TTLL11: variants seen among roughly 807,000 people sequenced by gnomAD.
The protein encoded by TTLL11 is tubulin tyrosine ligase like 11.
Under a neutral mutation model 51.7 loss-of-function variants are expected in TTLL11, and 42 were observed. The observed-to-expected ratio is 0.81, with a 90% confidence interval of 0.64 to 1.05. The LOEUF (loss-of-function observed/expected upper bound fraction) is 1.05. TTLL11 is among the 50% of genes least tolerant of loss of function. The probability of loss-of-function intolerance (pLI) is 0.00; values close to 1 mark genes in which losing one functional copy is unlikely to be tolerated. For synonymous variants in TTLL11, 381 were observed against 383.5 expected (o/e 0.99, Z 0.08); for missense variants, 799 against 940.4 (o/e 0.85, Z 1.97).
At chr9:121,852,318 C>A (rs148628936) in intron 8 of TTLL11, among the ~76,000 whole-genome samples, 17 of 152,250 alleles carry the variant, frequency 1.1e-4, no homozygotes, top group African/African-American at 3.9e-4. Context: ...GATGTCATTG[C>A]CCCATTTCAA....
chr9:121,929,252 C>G (rs913554505), intron 6 of TTLL11, among the ~76,000 whole-genome samples: 2 of 151,968 alleles, frequency 1.3e-5, no homozygotes, highest in African/African-American at 4.8e-5. Flanking sequence ...CCAGCCTGAC[C>G]AACATGGTGA....
At chr9:122,010,071 GT>G (rs1843754378) in intron 3 of TTLL11, among the ~76,000 whole-genome samples, 1 of 152,036 alleles carries the variant, frequency 6.6e-6, no homozygotes, top group South Asian at 2.1e-4. Flanking sequence ...GCTTTATTAT[GT>G]TTTTCTTAAC....
At chr9:121,958,668 A>C (rs1842104894) in intron 6 of TTLL11, among the ~76,000 whole-genome samples, 1 of 152,198 alleles carries the variant, frequency 6.6e-6, no homozygotes, top group South Asian at 2.1e-4. Flanking sequence ...TAGAGTCCTA[A>C]AGCCTAAAGC....
intron 6 of TTLL11, among the ~76,000 whole-genome samples, chr9:121,933,956 G>A (rs955929360): frequency 4.6e-5 from 7 of 152,184 alleles, no homozygotes; most frequent in South Asian, 2.1e-4. Context: ...CCAGCCGGGC[G>A]CTGTGGCTCA....
chr9:121,930,417 T>C (rs760326566), intron 6 of TTLL11, among the ~76,000 whole-genome samples: 19 of 152,226 alleles, frequency 1.2e-4, no homozygotes, highest in Non-Finnish European at 2.8e-4. Flanking sequence ...GGGGAAAGTA[T>C]AGATACAAAT....
chr9:121,898,049 G>C (rs1839607181), intron 6 of TTLL11, among the ~76,000 whole-genome samples: 1 of 152,084 alleles, frequency 6.6e-6, no homozygotes, highest in African/African-American at 2.4e-5. Flanking sequence ...CTCCCGAGTA[G>C]CTGGGACTAC....
chr9:121,886,030 A>G (rs1588094879), intron 6 of TTLL11, among the ~76,000 whole-genome samples: 2 of 152,306 alleles, frequency 1.3e-5, no homozygotes, highest in South Asian at 2.1e-4. Flanking sequence ...TGCCCAGCCT[A>G]TAACTTTCTT....
intron 8 of TTLL11, among the ~76,000 whole-genome samples, chr9:121,824,290 T>C (rs965013947): frequency 1.3e-5 from 2 of 151,770 alleles, no homozygotes; most frequent in African/African-American, 4.8e-5. Context: ...TCCTGGCCAA[T>C]GTGGTGAAAC....
chr9:121,908,614 C>T (rs1840018416), intron 6 of TTLL11, among the ~76,000 whole-genome samples: 1 of 152,220 alleles, frequency 6.6e-6, no homozygotes, highest in Non-Finnish European at 1.5e-5. Flanking sequence ...GTGGTTTTCT[C>T]TACTCATCTC....
chr9:122,086,778 A>T (rs1321697831), intron 1 of TTLL11, among the ~76,000 whole-genome samples: 5 of 152,246 alleles, frequency 3.3e-5, no homozygotes, highest in Non-Finnish European at 7.3e-5. Flanking sequence ...CTCCAAGGTC[A>T]CTTGAATTAT....
At chr9:121,912,801 G>A (rs555640729) in intron 6 of TTLL11, among the ~76,000 whole-genome samples, 1 of 151,430 alleles carries the variant, frequency 6.6e-6, no homozygotes, top group Non-Finnish European at 1.5e-5. Context: ...CTCTAAGTGT[G>A]TGATCTCTAA....
intron 6 of TTLL11, among the ~76,000 whole-genome samples, chr9:121,916,091 C>T (rs1342522944): frequency 6.6e-6 from 1 of 151,510 alleles, no homozygotes; most frequent in East Asian, 1.9e-4. Context: ...TAACTTAAGT[C>T]CTCATCATCA....
rs1588044317 is a variant in TTLL11 at position 121,818,098 on chromosome 9, A to ACC, written c.*4488_*4489insGG. The ACC allele has an allele frequency of 6.6e-6, 1 of 152,336 alleles. No individual in the cohort carries two copies. The highest frequency in any genetic ancestry group is 1.9e-4 in the East Asian group (1 of 5,206). The allele number at this position is 152,336 out of a possible 1,614,324, so 9.4% of individuals were successfully genotyped here. A position where few individuals can be genotyped will look rare whatever the true frequency, so the allele number is the denominator to read the frequency against. Reference sequence around the variant, plus strand: ...AACAACCCCACACAAACTCAGGGCAATGCAGAGTTGAAAGGAGGCTGGCTA... The same window carrying ACC: ...AACAACCCCACACAAACTCAGGGCAACCTGCAGAGTTGAAAGGAGGCTGGCTA... On this transcript the variant is annotated 3_prime_UTR_variant, in exon 9 of 9. Transcript: ENST00000321582.
intron 4 of TTLL11, among the ~76,000 whole-genome samples, chr9:121,987,542 G>A (rs1842969076): frequency 6.6e-6 from 1 of 152,050 alleles, no homozygotes; most frequent in South Asian, 2.1e-4. Flanking sequence ...CCAGACTCTG[G>A]CCCTGGCTCC....
intron 6 of TTLL11, among the ~76,000 whole-genome samples, chr9:121,948,363 C>T (rs890071474): frequency 1.3e-5 from 2 of 152,170 alleles, no homozygotes; most frequent in East Asian, 1.9e-4. Flanking sequence ...AGAAAACTAA[C>T]CATGAACCTC....
chr9:122,076,343 A>G (rs186447236), intron 1 of TTLL11, among the ~76,000 whole-genome samples: 1 of 152,308 alleles, frequency 6.6e-6, no homozygotes, highest in East Asian at 1.9e-4. Flanking sequence ...CCGGCCCCCG[A>G]GTGTCTGCTG....
chr9:122,007,494 A>G (rs1843690622), intron 3 of TTLL11, among the ~76,000 whole-genome samples: 1 of 151,848 alleles, frequency 6.6e-6, no homozygotes, highest in Non-Finnish European at 1.5e-5. Flanking sequence ...AAAAAAAGAA[A>G]AAAGAAAAGA....
intron 8 of TTLL11, among the ~76,000 whole-genome samples, chr9:121,850,999 A>G (rs4308812): frequency 0.53 from 80,009 of 152,100 alleles, 21,685 homozygotes; most frequent in East Asian, 0.7. Context: ...TCAATGGACT[A>G]TTATTCAGAG....
At chr9:122,031,971 A>T in intron 2 of TTLL11, 115 bp from the exon 3 acceptor site, 2 of 1,421,448 alleles carry the variant, frequency 1.4e-6, no homozygotes, top group South Asian at 3.1e-5. Flanking sequence ...TTCAGGCAGG[A>T]TTTTTAAAAA....
Sources: gnomAD v4.1 joint callset for allele counts (sites outside exome capture counted in the v4.1 genomes callset) on GRCh38, gnomAD v4.1.1 for gene constraint, MANE v1.5 for transcripts, NCBI Gene and HGNC (gene_info 2026-07-23, HGNC 2026-07-21) for gene names.